DCD: variants seen among roughly 807,000 people sequenced by gnomAD.
DCD encodes the protein dermcidin, also known as diffusible survival/evasion peptide.
A neutral mutation model predicts 14.5 loss-of-function variants in DCD; 17 were observed. That is an observed-to-expected ratio of 1.18 (90% CI 0.81 to 1.76). DCD has a LOEUF of 1.76. Among genes scored for constraint, DCD ranks in the 40% most tolerant of loss-of-function variants. The probability of loss-of-function intolerance (pLI) is 0.00; values close to 1 mark genes in which losing one functional copy is unlikely to be tolerated. For missense variants in DCD, 139 were observed against 133.4 expected (o/e 1.04, Z -0.21); for synonymous variants, 64 against 54.0 (o/e 1.19, Z -0.82).
At chr12:54,648,024 A>T (rs1214814120) in intron 1 of DCD, among the ~76,000 whole-genome samples, 1 of 152,228 alleles carries the variant, frequency 6.6e-6, no homozygotes, top group Non-Finnish European at 1.5e-5. Flanking sequence ...GGCCAATCAC[A>T]GACTGAGAGG....
At chr12:54,648,164 C>G in intron 1 of DCD, 82 bp downstream of exon 1, 1 of 1,497,930 alleles carries the variant, frequency 6.7e-7, no homozygotes, top group Non-Finnish European at 9.2e-7. Flanking sequence ...CTGCCTCTGG[C>G]GAGGAGGGGA....
chr12:54,647,159 T>C lies in DCD; in HGVS notation c.59A>G (p.Tyr20Cys). 6.4e-7 allele frequency: 1 copy of C among 1,562,420 alleles called. No homozygotes were observed. Among genetic ancestry groups the C allele is most frequent in the Non-Finnish European group, 8.7e-7 (1 of 1,152,500 alleles). Residue 20 changes from tyrosine to cysteine, a missense_variant and splice_region_variant, in exon 2 of 5, where the codon TAT becomes TGT. Transcript: ENST00000293371. ...TALAGALVCA[Y>C]DPEAASAPGS... ...TGGGGCAGAGGCGGCCTCTGGATCA[T>C]CTGCAAAGGAGGGAACAGTGACCAT...
chr12:54,644,920 G>C lies in DCD; in HGVS notation c.290-164C>G, dbSNP rs7301225. 1.0e-5 allele frequency: 16 copies of C among 1,549,402 alleles called. No individual in the cohort carries two copies. The Admixed American group carries it at 2.4e-4, about 23-fold the overall frequency. On this transcript the variant is annotated intron_variant, in intron 4 of 4. Transcript: ENST00000293371. ...AGGGATGGAGGTTAGATTCACAGGA[G>C]CCCCAAAGACCAACCTCTCTTCCCC...
rs1958268243 is a variant in DCD, at chr12:54,647,176, A to T, written c.59-17T>A. Reference sequence around the variant, plus strand: ...CTGGATCATCTGCAAAGGAGGGAACAGTGACCATGTCAAGTAGGGCACAGT... The same window carrying T: ...CTGGATCATCTGCAAAGGAGGGAACTGTGACCATGTCAAGTAGGGCACAGT... On this transcript the variant is annotated splice_polypyrimidine_tract_variant and intron_variant, in intron 1 of 4. Coordinates refer to ENST00000293371, the MANE Select transcript of DCD (RefSeq NM_053283.4). The T allele has an allele frequency of 1.9e-6, 3 of 1,559,080 alleles. No individual in the cohort carries two copies. Among genetic ancestry groups the T allele is most frequent in the South Asian group, 1.2e-5 (1 of 84,404 alleles).
chr12:54,646,643 C>T (rs193187860), intron 2 of DCD, among the ~76,000 whole-genome samples: 31 of 152,092 alleles, frequency 2.0e-4, no homozygotes, highest in Admixed American at 1.6e-3. Context: ...AAATGTATAA[C>T]GTTTGATGTG....
chr12:54,644,744 T>A lies in DCD; in HGVS notation c.302A>T (p.Asp101Val). Residue 101 changes from aspartate (D) to valine (V), a missense_variant, in exon 5 of 5, where the codon GAC becomes GTC. Coordinates refer to ENST00000293371, the MANE Select transcript of DCD (RefSeq NM_053283.4). Reference sequence around the variant, plus strand: ...TACTGAGTCAAGGACGTCTTTAACGTCATGGACGGCTCCTAGGACAGCCAC... The same window carrying A: ...TACTGAGTCAAGGACGTCTTTAACGACATGGACGGCTCCTAGGACAGCCAC... ...LESVGKGAVH[D>V]VKDVLDSVL 1 of 1,607,286 alleles carries A rather than the reference T, an allele frequency of 6.2e-7. No individual in the cohort carries two copies. Among genetic ancestry groups the A allele is most frequent in the Non-Finnish European group, 8.5e-7 (1 of 1,176,640 alleles).
At chr12:54,645,410 G>T in intron 3 of DCD, 148 bp from the exon 4 acceptor site, 1 of 926,258 alleles carries the variant, frequency 1.1e-6, no homozygotes, top group Non-Finnish European at 1.7e-6. Flanking sequence ...TGGGAAGGTT[G>T]GTAGGCCAGT....
rs369454217 is a variant in DCD at position 54,644,675 on chromosome 12, G to A, written c.*38C>T. On this transcript the variant is annotated 3_prime_UTR_variant, in exon 5 of 5. Transcript: ENST00000293371. Reference sequence around the variant, plus strand: ...GTTTTAGGCTGAAGACGTAAAGCCTGCTGCTCCTGGGTATCATTTCTCAGC... The same window carrying A: ...GTTTTAGGCTGAAGACGTAAAGCCTACTGCTCCTGGGTATCATTTCTCAGC... 5 of 1,345,460 alleles carry A rather than the reference G, an allele frequency of 3.7e-6. No individual in the cohort carries two copies. Among genetic ancestry groups the A allele is most frequent in the Non-Finnish European group, 5.2e-6 (5 of 954,294 alleles). The allele number at this position is 1,345,460 out of a possible 1,614,324, so 83.3% of individuals were successfully genotyped here.
Position 54,645,232 on chromosome 12 carries a change from A to G in DCD, c.230T>C (p.Val77Ala). 1 of 1,614,040 alleles carries G rather than the reference A, an allele frequency of 6.2e-7. No individual in the cohort carries two copies. The highest frequency in any genetic ancestry group is 1.1e-5 in the South Asian group (1 of 91,076). Reference sequence around the variant, plus strand: ...TTTTCCTAGTTTTCCGAGTCCCCCCACAGCTTTTTTTGCTCCGTCTAGGCC... The same window carrying G: ...TTTTCCTAGTTTTCCGAGTCCCCCCGCAGCTTTTTTTGCTCCGTCTAGGCC... Reference protein sequence around the residue: ...EKGLDGAKKAVGGLGKLGKDA... With the variant: ...EKGLDGAKKAAGGLGKLGKDA... The change falls in exon 4 of 5, where the codon GTG becomes GCG. Residue 77 changes from valine to alanine, a missense_variant. Val to Ala is a moderately conservative substitution (Grantham distance 64, BLOSUM62 0). Transcript: ENST00000293371.
intron 3 of DCD, 151 bp downstream of exon 3, chr12:54,645,455 A>G (rs1592200403): frequency 3.7e-6 from 3 of 815,962 alleles, no homozygotes; most frequent in Non-Finnish European, 4.0e-6. Flanking sequence ...GAAACCCTGT[A>G]TGTAGAAGCA....
chr12:54,647,253 T>G (rs1958268861), intron 1 of DCD, 94 bp from the exon 2 acceptor site: 2 of 1,249,906 alleles, frequency 1.6e-6, no homozygotes, highest in Non-Finnish European at 2.2e-6. Context: ...GCCTCTAATC[T>G]CAGGAGTGTG....
intron 4 of DCD, 173 bp from the exon 5 acceptor site, chr12:54,644,929 A>G: frequency 4.5e-6 from 7 of 1,549,532 alleles, no homozygotes; most frequent in African/African-American, 1.4e-5. Flanking sequence ...AGCCCCAAAG[A>G]CCAACCTCTC....
rs552276383 is a variant in DCD, at chr12:54,647,121, G to A, written c.97C>T (p.Pro33Ser). The A allele has an allele frequency of 6.4e-6, 10 of 1,558,460 alleles. No homozygotes were observed. Among genetic ancestry groups the A allele is most frequent in the African/African-American group, 4.1e-5 (3 of 73,670 alleles). The change falls in exon 2 of 5, where the codon CCT becomes TCT. Residue 33 changes from proline to serine, a missense_variant and splice_region_variant. By Grantham distance (74) the Pro-to-Ser change is moderately conservative (BLOSUM62 -1). Coordinates refer to ENST00000293371, the MANE Select transcript of DCD (RefSeq NM_053283.4). ...GGCAGGAGGAAGAGAAAGGACTCAC[G>A]GTTCCCCGATCCTGGGGCAGAGGCG... ...EAASAPGSGNPCHEASAAQKE... is the reference protein window; with the variant it reads ...EAASAPGSGNSCHEASAAQKE...
At position 54,648,336 on chromosome 12, in the gene DCD, A is replaced by C. The variant is rs200521753; in HGVS notation, c.-33T>G. 82 of 1,613,052 alleles carry C rather than the reference A, an allele frequency of 5.1e-5. 1 individual carries two copies. The Admixed American group carries it at 6.5e-4, about 13-fold the overall frequency. On this transcript the variant is annotated 5_prime_UTR_variant, in exon 1 of 5. Coordinates refer to ENST00000293371, the MANE Select transcript of DCD (RefSeq NM_053283.4). ...TGTGCTGGAGTGGGTATGCCACCAAATCCTTGGAGATCTTGGGATCTAGGG... is the reference window on the plus strand; with the variant it reads ...TGTGCTGGAGTGGGTATGCCACCAACTCCTTGGAGATCTTGGGATCTAGGG...
At chr12:54,647,237 TC>T in intron 1 of DCD, 78 bp from the exon 2 acceptor site, 1 of 1,392,692 alleles carries the variant, frequency 7.2e-7, no homozygotes, top group Non-Finnish European at 9.9e-7. Flanking sequence ...TGCCTAGAAT[TC>T]CCAGGCCTCT....
rs765861179 is a variant in DCD, at chr12:54,644,750, A to G, written c.296T>C (p.Val99Ala). Residue 99 changes from valine to alanine, a missense_variant, in exon 5 of 5, where the codon GTC (valine) becomes GCC (alanine). Transcript: ENST00000293371. The part of the protein sequence containing the change: ...EDLESVGKGA[V>A]HDVKDVLDSV... ...GTCAAGGACGTCTTTAACGTCATGG[A>G]CGGCTCCTAGGACAGCCACAGAAAA... The G allele has an allele frequency of 2.6e-5, 42 of 1,604,726 alleles. No individual in the cohort carries two copies. Among genetic ancestry groups the G allele is most frequent in the Middle Eastern group, 1.6e-4 (1 of 6,068 alleles).
At position 54,644,765 on chromosome 12, in the gene DCD, G is replaced by A. The variant is rs1242035315; in HGVS notation, c.290-9C>T. On this transcript the variant is annotated splice_polypyrimidine_tract_variant and intron_variant, in intron 4 of 4. Transcript: ENST00000293371. ...AACGTCATGGACGGCTCCTAGGACAGCCACAGAAAAAAATGGGGTAAAGGG... is the reference window on the plus strand; with the variant it reads ...AACGTCATGGACGGCTCCTAGGACAACCACAGAAAAAAATGGGGTAAAGGG... 1 of 1,602,688 alleles carries A rather than the reference G, an allele frequency of 6.2e-7. No homozygotes were observed. Among genetic ancestry groups the A allele is most frequent in the Admixed American group, 1.7e-5 (1 of 59,106 alleles).
intron 3 of DCD, 110 bp downstream of exon 3, chr12:54,645,496 T>C: frequency 9.8e-7 from 1 of 1,017,480 alleles, no homozygotes; most frequent in Non-Finnish European, 1.5e-6. Flanking sequence ...CCTAGGAATA[T>C]GGGTGTAGCT....
At position 54,644,752 on chromosome 12, in the gene DCD, G is replaced by A. The variant is rs139716642; in HGVS notation, c.294C>T (p.Ala98=). The part of the protein sequence containing the change: ...VEDLESVGKG[A]VHDVKDVLDS... ...CAAGGACGTCTTTAACGTCATGGAC[G>A]GCTCCTAGGACAGCCACAGAAAAAA... The change falls in exon 5 of 5, where the codon GCC becomes GCT. Residue 98 remains alanine, a synonymous_variant. Coordinates refer to ENST00000293371, the MANE Select transcript of DCD (RefSeq NM_053283.4). 215 of 1,605,968 alleles carry A rather than the reference G, an allele frequency of 1.3e-4. No individual in the cohort carries two copies. Among genetic ancestry groups the A allele is most frequent in the Non-Finnish European group, 1.8e-4 (207 of 1,175,720 alleles).
Sources: allele counts gnomAD v4.1 joint callset (sites outside exome capture counted in the v4.1 genomes callset), GRCh38; gene constraint gnomAD v4.1.1; transcripts MANE v1.5; gene names NCBI Gene and HGNC (gene_info 2026-07-23, HGNC 2026-07-21).